SLC5A10: variants seen among roughly 807,000 people sequenced by gnomAD.
SLC5A10 encodes the protein solute carrier family 5 member 10.
SLC5A10 carries 55 observed loss-of-function variants against 68.9 expected under a neutral mutation model. That is an observed-to-expected ratio of 0.80 (90% CI 0.64 to 1.00). The LOEUF (loss-of-function observed/expected upper bound fraction) is 1.00. Ranked by LOEUF, SLC5A10 falls within the 50% of genes least tolerant of loss-of-function variation. SLC5A10 has a pLI of 0.00. For missense variants in SLC5A10, 732 were observed against 819.3 expected, an observed-to-expected ratio of 0.89 and a Z score of 1.30; for synonymous variants, 344 against 344.8, an observed-to-expected ratio of 1.00 and a Z score of 0.02.
chr17:18,988,707 G>A (rs1041222641), intron 9 of SLC5A10, among the ~76,000 whole-genome samples: 4 of 152,260 alleles, frequency 2.6e-5, no homozygotes, highest in Non-Finnish European at 5.9e-5. Flanking sequence ...GGAATGCTGA[G>A]ATGAACCTGA....
chr17:18,972,144 G>A (rs899110841), intron 8 of SLC5A10, among the ~76,000 whole-genome samples: 1 of 152,200 alleles, frequency 6.6e-6, no homozygotes, highest in Admixed American at 6.5e-5. Flanking sequence ...GGTGACCTCA[G>A]ATGAGCTGCT....
chr17:18,958,738 C>T lies in SLC5A10; in HGVS notation c.168C>T (p.Asp56=). ...ATGGCTACTTCCTGGCAGGCCGGGA[C>T]ATGACGTGGTGGCCGGTGAGTGCAC... is the stretch of plus-strand genomic sequence containing the variant. ...TVNGYFLAGR[D]MTWWPIGASL... The change falls in exon 2 of 15, where the codon GAC becomes GAT. Residue 56 remains aspartate (D), a synonymous_variant. Transcript: ENST00000395645. 2 of 1,614,216 alleles carry T rather than the reference C, an allele frequency of 1.2e-6. No individual in the cohort carries two copies. Among genetic ancestry groups the T allele is most frequent in the Non-Finnish European group, 1.7e-6 (2 of 1,180,038 alleles).
intron 5 of SLC5A10, among the ~76,000 whole-genome samples, chr17:18,967,130 T>C (rs1259596627): frequency 1.3e-5 from 2 of 152,152 alleles, no homozygotes; most frequent in Non-Finnish European, 2.9e-5. Context: ...GGCTAAGTGA[T>C]GTCTGAATTC....
At chr17:18,963,035 C>T (rs1276355083) in intron 5 of SLC5A10, among the ~76,000 whole-genome samples, 3 of 152,110 alleles carry the variant, frequency 2.0e-5, no homozygotes, top group East Asian at 1.9e-4. Flanking sequence ...CTAGGCAACA[C>T]GGTGAAACTC....
chr17:18,968,835 T>C lies in SLC5A10; in HGVS notation c.454-217T>C, dbSNP rs568131018. On this transcript the variant is annotated intron_variant, in intron 5 of 14. Transcript: ENST00000395645. This position sits in a 1 kb window ranked among gnomAD's most constrained non-coding sequence, Gnocchi z 4.1. The stretch of plus-strand genomic sequence containing the variant: ...CTTTGGACTTTATTAGCAACAGTAA[T>C]GTCCCCTGACATCCGCACAAGCTTG... 8.2e-5 allele frequency: 46 copies of C among 562,620 alleles called. No homozygotes were observed. In the South Asian group the frequency reaches 1.1e-3, roughly 13 times the overall value. 34.9% of individuals were successfully genotyped at this position (562,620 alleles called of 1,614,324 possible). A position where few individuals can be genotyped will look rare whatever the true frequency, so the allele number is the denominator to read the frequency against.
chr17:18,975,144 C>A (rs555663407), intron 8 of SLC5A10, among the ~76,000 whole-genome samples: 1 of 152,282 alleles, frequency 6.6e-6, no homozygotes, highest in South Asian at 2.1e-4. Context: ...CTCCCAAGCA[C>A]CTAGACAGAA....
chr17:19,006,649 C>T (rs2043899010), intron 9 of SLC5A10, among the ~76,000 whole-genome samples: 1 of 152,190 alleles, frequency 6.6e-6, no homozygotes, highest in Non-Finnish European at 1.5e-5. Context: ...TCTGTCACTA[C>T]AAAGATCTCC....
In SLC5A10 at chr17:19,000,130, A is replaced by C. The variant is rs984259773; in HGVS notation, c.983-13280A>C. ...CTCTGGTATGTAGTTGGAACCCCAC[A>C]GCAGGTTTTTTCCCAGATAAATCAT... On this transcript the variant is annotated intron_variant, in intron 9 of 14. Transcript: ENST00000395645. This position sits in a 1 kb window ranked among gnomAD's most constrained non-coding sequence, Gnocchi z 5.2. Among the ~76,000 whole-genome samples the C allele has an allele frequency of 6.6e-6, 1 of 152,212 alleles. No individual in the cohort carries two copies. The highest frequency in any genetic ancestry group is 1.5e-5 in the Non-Finnish European group (1 of 68,024).
At chr17:18,958,786 C>A in intron 2 of SLC5A10, 33 bp downstream of exon 2, 1 of 1,610,954 alleles carries the variant, frequency 6.2e-7, no homozygotes, top group Non-Finnish European at 8.5e-7. Context: ...CACACCCCCA[C>A]TTTGTCCGTG....
Position 19,019,457 on chromosome 17 carries a change from G to A in SLC5A10, c.1276G>A (p.Ala426Thr). 1 of 1,611,750 alleles carries A rather than the reference G, an allele frequency of 6.2e-7. No individual in the cohort carries two copies. The highest frequency in any genetic ancestry group is 8.5e-7 in the Non-Finnish European group (1 of 1,179,918). The change falls in exon 12 of 15, where the codon GCC becomes ACC. Residue 426 changes from alanine to threonine, a missense_variant. Coordinates refer to ENST00000395645, the MANE Select transcript of SLC5A10 (RefSeq NM_001042450.4). Reference sequence around the variant, plus strand: ...AGTGGCACTCATCGGCGTGAGTGTGGCCTGGATCCCCGTCCTGCAGGACTC... The same window carrying A: ...AGTGGCACTCATCGGCGTGAGTGTGACCTGGATCCCCGTCCTGCAGGACTC... ...VIVALIGVSV[A>T]WIPVLQDSNS...
intron 9 of SLC5A10, among the ~76,000 whole-genome samples, chr17:19,006,403 C>CT (rs532718554): frequency 0.011 from 1,497 of 138,426 alleles, 14 homozygotes; most frequent in Non-Finnish European, 0.014. Context: ...TTTCTTTTTT[C>CT]TTTTTTTTTT....
chr17:19,016,789 T>C (rs1286542162), intron 11 of SLC5A10, among the ~76,000 whole-genome samples: 1 of 152,168 alleles, frequency 6.6e-6, no homozygotes, highest in Non-Finnish European at 1.5e-5. Flanking sequence ...TCAGAAGCTG[T>C]GTGGCCTGGG....
intron 9 of SLC5A10, among the ~76,000 whole-genome samples, chr17:18,997,150 G>GAGCACCAAAT: frequency 6.6e-6 from 1 of 152,254 alleles, no homozygotes; most frequent in Admixed American, 6.5e-5. Flanking sequence ...GCAGTGGGTT[G>GAGCACCAAAT]GGGTCAAGAA....
At chr17:18,969,267 G>A (rs1211482361) in intron 6 of SLC5A10, 75 bp from the exon 7 acceptor site, 2 of 1,582,172 alleles carry the variant, frequency 1.3e-6, no homozygotes, top group East Asian at 2.2e-5. Flanking sequence ...CCCAGCAGGA[G>A]CCCCAGAAGT....
intron 9 of SLC5A10, 57 bp downstream of exon 9, chr17:18,977,046 C>G (rs549340867): frequency 6.3e-7 from 1 of 1,596,948 alleles, no homozygotes; most frequent in Admixed American, 1.7e-5. Flanking sequence ...GTTCTGGGAC[C>G]TTGTCCTGCA....
rs559388888 is a variant in SLC5A10 at position 18,978,655 on chromosome 17, C to T, written c.982+1666C>T. 1.7e-5 allele frequency: 27 copies of T among 1,613,052 alleles called. No homozygotes were observed. The South Asian group carries it at 1.9e-4, about 11-fold the overall frequency. ...TGACGAGCTTCTTGGCCACAGTGCC[C>T]GCGGGCACCAGGGGGACCACAGAGG... On this transcript the variant is annotated intron_variant, in intron 9 of 14. Coordinates refer to ENST00000395645, the MANE Select transcript of SLC5A10 (RefSeq NM_001042450.4).
At chr17:18,967,057 C>G (rs1325719678) in intron 5 of SLC5A10, among the ~76,000 whole-genome samples, 2 of 152,182 alleles carry the variant, frequency 1.3e-5, no homozygotes, top group Non-Finnish European at 2.9e-5. Context: ...CTCTTGGCAT[C>G]TGTCAGGCTG....
At position 19,015,016 on chromosome 17, in the gene SLC5A10, G is replaced by T. The variant is rs778425703; in HGVS notation, c.1091-33G>T. ...GGGTTCCCGGGGCTGTCTCAAGGCC[G>T]GACAGGGTCACACATCCCCCGTCCC... On this transcript the variant is annotated intron_variant, in intron 10 of 14. Coordinates refer to ENST00000395645, the MANE Select transcript of SLC5A10 (RefSeq NM_001042450.4). The T allele has an allele frequency of 1.9e-6, 3 of 1,598,340 alleles. No homozygotes were observed. In the African/African-American group the frequency reaches 4.0e-5, roughly 21 times the overall value.
chr17:18,959,640 G>T lies in SLC5A10; in HGVS notation c.325G>T (p.Val109Leu), dbSNP rs746981215. ...YVLLALAWVF[V>L]PIYISSEIVT... ...GCTGCTGGCACTGGCATGGGTGTTC[G>T]TGCCCATCTACATCTCCTCAGAGGT... Residue 109 changes from valine (V) to leucine (L), a missense_variant, in exon 4 of 15, where the codon GTG becomes TTG. Coordinates refer to ENST00000395645, the MANE Select transcript of SLC5A10 (RefSeq NM_001042450.4). The T allele has an allele frequency of 1.2e-6, 2 of 1,613,838 alleles. No homozygotes were observed. Among genetic ancestry groups the T allele is most frequent in the Admixed American group, 3.3e-5 (2 of 59,994 alleles).
Sources: allele counts gnomAD v4.1 joint callset (sites outside exome capture counted in the v4.1 genomes callset), GRCh38; gene constraint gnomAD v4.1.1; non-coding constraint Gnocchi (gnomAD v3.1); transcripts MANE v1.5; gene names NCBI Gene and HGNC (gene_info 2026-07-23, HGNC 2026-07-21).